The following GLT1D1 variants were observed in gnomAD, a reference collection of about 807,000 sequenced individuals.
GLT1D1 encodes the protein glycosyltransferase 1 domain containing 1.
Under a neutral mutation model 28.7 loss-of-function variants are expected in GLT1D1, and 21 were observed. The ratio of observed to expected loss-of-function variants is 0.73; its 90% CI spans 0.52 to 1.05. GLT1D1 has a LOEUF of 1.05. Among genes scored for constraint, GLT1D1 ranks in the 50% least tolerant of loss-of-function variants. The pLI, the probability that GLT1D1 is intolerant of heterozygous loss-of-function variation, is 0.00. For synonymous variants in GLT1D1, 147 were observed against 124.8 expected (o/e 1.18, Z -1.19); for missense variants, 343 against 330.6 (o/e 1.04, Z -0.29).
intron 4 of GLT1D1, among the ~76,000 whole-genome samples, chr12:128,931,917 G>GCGCACACACACACA (rs1873945966): frequency 7.1e-6 from 1 of 141,002 alleles, no homozygotes; most frequent in Non-Finnish European, 1.6e-5. Flanking sequence ...ACACACGCAC[G>GCGCACACACACACA]CACACACACA....
chr12:128,952,498 G>A (rs549134325), intron 6 of GLT1D1, among the ~76,000 whole-genome samples: 44 of 143,502 alleles, frequency 3.1e-4, no homozygotes, highest in Non-Finnish European at 5.0e-4. Flanking sequence ...ATGAAGTTTC[G>A]CTCTTGTTGC....
intron 1 of GLT1D1, among the ~76,000 whole-genome samples, chr12:128,863,119 GAAGAC>G (rs1956420317): frequency 6.6e-6 from 1 of 152,206 alleles, no homozygotes; most frequent in Non-Finnish European, 1.5e-5. Flanking sequence ...CCTTCAGAAT[GAAGAC>G]CCAGAGACAC....
chr12:128,945,024 C>T (rs575513611), intron 4 of GLT1D1: 26 of 620,342 alleles, frequency 4.2e-5, no homozygotes, highest in East Asian at 2.8e-4. Flanking sequence ...TCAATTCCCA[C>T]CTATGAGTGA....
intron 2 of GLT1D1, among the ~76,000 whole-genome samples, chr12:128,878,939 A>T (rs1403277837): frequency 6.6e-6 from 1 of 152,154 alleles, no homozygotes; most frequent in Admixed American, 6.6e-5. Flanking sequence ...AAGTGTAGTG[A>T]AACACAGTCT....
In GLT1D1 at chr12:128,883,363, G is replaced by A. The variant is rs549580252; in HGVS notation, c.218-5276G>A. ...TCCCAGCACTTTGGGAGGCTGAGGC[G>A]GGGGGATCACAAGGTCAGGAGTTCG... On this transcript the variant is annotated intron_variant, in intron 2 of 7. Transcript: ENST00000281703. Among the ~76,000 whole-genome samples the A allele has an allele frequency of 4.2e-4, 63 of 151,064 alleles. 1 individual carries two copies. The highest frequency in any genetic ancestry group is 6.9e-3 in the Middle Eastern group (2 of 290).
At chr12:128,922,919 T>G (rs1872788029) in intron 4 of GLT1D1, among the ~76,000 whole-genome samples, 1 of 57,566 alleles carries the variant, frequency 1.7e-5, no homozygotes, top group Admixed American at 2.8e-4. Context: ...TGAGACTCCA[T>G]CTCAAAAAAA....
chr12:128,971,590 T>C (rs1412841312), intron 7 of GLT1D1, among the ~76,000 whole-genome samples: 13 of 69,626 alleles, frequency 1.9e-4, no homozygotes, highest in Admixed American at 4.4e-4. Context: ...CCCTCCCTTC[T>C]TCCCTCCTTT....
intron 1 of GLT1D1, among the ~76,000 whole-genome samples, chr12:128,874,480 C>CT (rs138457706): frequency 0.051 from 5,449 of 106,706 alleles, 275 homozygotes; most frequent in Middle Eastern, 0.092. Context: ...CTGTGGCTGG[C>CT]TTTTTTTTTT....
chr12:128,913,018 T>C (rs1461063024), intron 4 of GLT1D1, among the ~76,000 whole-genome samples: 1 of 152,214 alleles, frequency 6.6e-6, no homozygotes, highest in Non-Finnish European at 1.5e-5. Flanking sequence ...TAACATTTTC[T>C]GCCAGTAGAA....
chr12:128,867,505 G>A (rs1377919681), intron 1 of GLT1D1, among the ~76,000 whole-genome samples: 2 of 151,464 alleles, frequency 1.3e-5, no homozygotes, highest in African/African-American at 2.4e-5. Context: ...CTGAACCCTC[G>A]TTGCCCCAGC....
At chr12:128,883,046 C>A (rs1957095060) in intron 2 of GLT1D1, among the ~76,000 whole-genome samples, 1 of 151,612 alleles carries the variant, frequency 6.6e-6, no homozygotes, top group African/African-American at 2.4e-5. Flanking sequence ...CCTGCCTCAG[C>A]CTCTTGAGTA....
intron 7 of GLT1D1, among the ~76,000 whole-genome samples, chr12:128,967,159 G>A (rs1878538165): frequency 6.6e-6 from 1 of 152,214 alleles, no homozygotes; most frequent in African/African-American, 2.4e-5. Flanking sequence ...AAAAACATAA[G>A]TTCTGGAATA....
intron 2 of GLT1D1, among the ~76,000 whole-genome samples, chr12:128,882,274 A>ATTTT (rs533208189): frequency 1.9e-4 from 26 of 133,542 alleles, no homozygotes; most frequent in African/African-American, 6.6e-4. Flanking sequence ...GTATAACGCA[A>ATTTT]TTTTTTTTTT....
At chr12:128,945,709 G>T (rs1875976031) in intron 5 of GLT1D1, among the ~76,000 whole-genome samples, 1 of 152,212 alleles carries the variant, frequency 6.6e-6, no homozygotes, top group African/African-American at 2.4e-5. Flanking sequence ...AGTTGCATTT[G>T]TCGGCCAGGA....
intron 4 of GLT1D1, among the ~76,000 whole-genome samples, chr12:128,932,025 G>A (rs1324505829): frequency 1.3e-5 from 2 of 152,194 alleles, no homozygotes; most frequent in South Asian, 2.1e-4. Flanking sequence ...CGCGAAATGG[G>A]TTTGAGCAAG....
chr12:128,937,941 C>T (rs115089654), intron 4 of GLT1D1, among the ~76,000 whole-genome samples: 8 of 152,098 alleles, frequency 5.3e-5, no homozygotes, highest in South Asian at 2.1e-4. Context: ...ATTAACAGTG[C>T]GAGAACAGAC....
chr12:128,937,840 G>T (rs1266005746), intron 4 of GLT1D1, among the ~76,000 whole-genome samples: 1 of 152,156 alleles, frequency 6.6e-6, no homozygotes, highest in African/African-American at 2.4e-5. Flanking sequence ...CACCATGATT[G>T]TAAGTTTCCA....
chr12:128,979,602 A>C (rs949816582), intron 7 of GLT1D1, among the ~76,000 whole-genome samples: 1 of 152,032 alleles, frequency 6.6e-6, no homozygotes. Flanking sequence ...AAAAATACAA[A>C]AATTAGCCAG....
intron 1 of GLT1D1, among the ~76,000 whole-genome samples, chr12:128,856,139 G>A (rs931931928): frequency 2.6e-5 from 4 of 152,116 alleles, no homozygotes; most frequent in Non-Finnish European, 5.9e-5. Context: ...AACATATAGG[G>A]TAACTTCCTG....
Sources: gnomAD v4.1 joint callset for allele counts (sites outside exome capture counted in the v4.1 genomes callset) on GRCh38, gnomAD v4.1.1 for gene constraint, MANE v1.5 for transcripts, NCBI Gene and HGNC (gene_info 2026-07-23, HGNC 2026-07-21) for gene names.